TDRD12: variants seen among roughly 807,000 people sequenced by gnomAD.
TDRD12 encodes the protein tudor domain containing 12, also known as putative ATP-dependent RNA helicase TDRD12.
TDRD12 carries 158 observed loss-of-function variants against 133.5 expected under a neutral mutation model. The ratio of observed to expected loss-of-function variants is 1.18; its 90% confidence interval spans 1.04 to 1.35. The LOEUF is 1.35. Ranked by LOEUF, TDRD12 falls within the 40% of genes most tolerant of loss-of-function variation. The pLI is 0.00. For synonymous variants in TDRD12, 460 were observed against 477.9 expected (o/e 0.96, Z 0.49); for missense variants, 1,443 against 1,321.3 (o/e 1.09, Z -1.43).
chr19:32,789,860 G>A (rs1971018174), intron 11 of TDRD12, among the ~76,000 whole-genome samples: 1 of 152,086 alleles, frequency 6.6e-6, no homozygotes, highest in Non-Finnish European at 1.5e-5. Flanking sequence ...AAATTAGCTG[G>A]GTGTGGTGGT....
At chr19:32,798,543 C>A in intron 16 of TDRD12, 108 bp downstream of exon 16, 1 of 877,618 alleles carries the variant, frequency 1.1e-6, no homozygotes, top group Non-Finnish European at 1.6e-6. Flanking sequence ...ATTGGTTAAT[C>A]TAAAAAAATT....
chr19:32,772,916 T>C, intron 9 of TDRD12, 66 bp downstream of exon 9: 2 of 961,918 alleles, frequency 2.1e-6, no homozygotes, highest in Admixed American at 3.8e-5. Context: ...ATTTTCTCTT[T>C]TGAAATCTAT....
intron 23 of TDRD12, 41 bp from the exon 24 acceptor site, chr19:32,811,169 C>T (rs755187783): frequency 2.4e-5 from 34 of 1,427,780 alleles, no homozygotes; most frequent in Non-Finnish European, 3.2e-5. Context: ...ATGATCCTTT[C>T]TGGAATCTCT....
At chr19:32,801,045 A>G (rs1971373105) in intron 18 of TDRD12, among the ~76,000 whole-genome samples, 7 of 152,018 alleles carry the variant, frequency 4.6e-5, no homozygotes, top group Admixed American at 4.6e-4. Context: ...TAAAAGTATC[A>G]ATTTATAGAC....
At chr19:32,773,507 G>A in exon 10 of TDRD12, 1 of 1,551,798 alleles carries the variant, frequency 6.4e-7, no homozygotes, top group Non-Finnish European at 8.7e-7. Flanking sequence ...AACCATATAT[G>A]CTGATCCAGA....
intron 1 of TDRD12, 42 bp downstream of exon 1, chr19:32,720,138 C>A: frequency 1.4e-6 from 2 of 1,398,764 alleles, no homozygotes; most frequent in Non-Finnish European, 9.6e-7. Context: ...CCCACGCAGT[C>A]CCCCACCCCC....
chr19:32,761,288 T>A (rs1970142912), intron 8 of TDRD12, among the ~76,000 whole-genome samples: 1 of 152,038 alleles, frequency 6.6e-6, no homozygotes, highest in African/African-American at 2.4e-5. Flanking sequence ...GCTAATTTTT[T>A]ATTTTTTTAT....
chr19:32,732,757 C>T (rs1352890686), intron 2 of TDRD12, among the ~76,000 whole-genome samples: 1 of 152,218 alleles, frequency 6.6e-6, no homozygotes, highest in Non-Finnish European at 1.5e-5. Context: ...TCCCCCAAAT[C>T]ATCATTAATA....
In TDRD12 at chr19:32,811,425, G is replaced by A; in HGVS notation, c.3048+5G>A. On this transcript the variant is annotated splice_donor_5th_base_variant and intron_variant, in intron 24 of 27. Coordinates refer to ENST00000444215, the Ensembl canonical transcript of TDRD12. ...GAAATAGAATGGAATCCGAAGGTGGGTGATTTTGGCTTTTTATCTATTGTT... is the reference window on the plus strand; with the variant it reads ...GAAATAGAATGGAATCCGAAGGTGGATGATTTTGGCTTTTTATCTATTGTT... 6.5e-7 allele frequency: 1 copy of A among 1,535,838 alleles called. No individual in the cohort carries two copies. Among genetic ancestry groups the A allele is most frequent in the Non-Finnish European group, 8.7e-7 (1 of 1,146,694 alleles).
chr19:32,762,773 A>T (rs1048258858), intron 8 of TDRD12, among the ~76,000 whole-genome samples: 3 of 152,200 alleles, frequency 2.0e-5, no homozygotes, highest in African/African-American at 7.2e-5. Flanking sequence ...TTATTTATAT[A>T]CAGTCATGTG....
chr19:32,729,018 G>A (rs1432934152), intron 1 of TDRD12, among the ~76,000 whole-genome samples: 4 of 149,466 alleles, frequency 2.7e-5, no homozygotes, highest in Non-Finnish European at 4.4e-5. Flanking sequence ...ATCTATACAT[G>A]TATAAATAGA....
At chr19:32,729,948 G>A (rs1179879471) in intron 1 of TDRD12, among the ~76,000 whole-genome samples, 27 of 151,178 alleles carry the variant, frequency 1.8e-4, no homozygotes, top group Admixed American at 1.7e-3. Flanking sequence ...CTGCCACCAC[G>A]CCCAGCTAAT....
chr19:32,727,657 CATTTTT>C (rs1040665821), intron 1 of TDRD12, among the ~76,000 whole-genome samples: 45 of 152,116 alleles, frequency 3.0e-4, no homozygotes, highest in Middle Eastern at 3.4e-3. Flanking sequence ...TTTATTCTTT[CATTTTT>C]ATTTTTATTT....
At chr19:32,813,946 G>A (rs574453844) in intron 25 of TDRD12, among the ~76,000 whole-genome samples, 170 bp downstream of exon 25, 11 of 152,266 alleles carry the variant, frequency 7.2e-5, no homozygotes, top group Non-Finnish European at 1.6e-4. Flanking sequence ...TTGGGTTGTG[G>A]GTTTAGTTTT....
chr19:32,734,358 CCTTTT>C (rs561259587), intron 2 of TDRD12, among the ~76,000 whole-genome samples: 27 of 151,486 alleles, frequency 1.8e-4, no homozygotes, highest in South Asian at 4.2e-4. Flanking sequence ...TCCTCCTCCT[CCTTTT>C]CTTTTCTTTT....
At chr19:32,743,195 G>A (rs777866035) in intron 4 of TDRD12, among the ~76,000 whole-genome samples, 8 of 152,220 alleles carry the variant, frequency 5.3e-5, no homozygotes, top group Non-Finnish European at 7.3e-5. Flanking sequence ...GTGTACACGC[G>A]CACGCGCGCA....
In TDRD12 at chr19:32,813,785, G is replaced by A. The variant is rs141820869; in HGVS notation, c.3141+9G>A. On this transcript the variant is annotated intron_variant, in intron 25 of 27. Coordinates refer to ENST00000444215, the Ensembl canonical transcript of TDRD12. Reference sequence around the variant, plus strand: ...TTTGGATTGATCCAATGGTAAGTACGCATTTTTTCTTAGAAATAAATTTGT... The same window carrying A: ...TTTGGATTGATCCAATGGTAAGTACACATTTTTTCTTAGAAATAAATTTGT... 509 of 1,471,246 alleles carry A rather than the reference G, an allele frequency of 3.5e-4. No individual in the cohort carries two copies. The African/African-American group carries it at 6.5e-3, about 19-fold the overall frequency. 91.1% of individuals were successfully genotyped at this position (1,471,246 alleles called of 1,614,324 possible).
At chr19:32,729,790 T>TTC (rs1422015577) in intron 1 of TDRD12, among the ~76,000 whole-genome samples, 1 of 122,498 alleles carries the variant, frequency 8.2e-6, no homozygotes, top group African/African-American at 3.5e-5. Flanking sequence ...TTTTTTTTTT[T>TTC]TTTTTTTTTT....
downstream of TDRD12, chr19:32,821,409 TGC>T (rs1491191437): frequency 0.014 from 1,988 of 139,138 alleles, 21 homozygotes; most frequent in East Asian, 0.11. Flanking sequence ...TGTGTGTGTG[TGC>T]GTGTGAACCA....
Sources: allele counts gnomAD v4.1 joint callset (sites outside exome capture counted in the v4.1 genomes callset), GRCh38; gene constraint gnomAD v4.1.1; transcripts MANE v1.5; gene names NCBI Gene and HGNC (gene_info 2026-07-23, HGNC 2026-07-21).